The following B4GALNT2 variants were observed in gnomAD, a reference collection of about 807,000 sequenced individuals.
B4GALNT2 encodes beta-1,4-N-acetyl-galactosaminyltransferase 2 (SID blood group), also known as N-acetylneuraminylgalactosylglucosyl-glucoside beta-1,4-N- acetylgalactosaminyltransferase 2.
A neutral mutation model predicts 51.1 loss-of-function variants in B4GALNT2; 42 were observed. The observed-to-expected ratio is 0.82, with a 90% CI of 0.64 to 1.06. B4GALNT2 has a LOEUF of 1.06. B4GALNT2 is among the 50% of genes least tolerant of loss of function. The probability of loss-of-function intolerance (pLI) is 0.00; values close to 1 mark genes in which losing one functional copy is unlikely to be tolerated. For synonymous variants in B4GALNT2, 253 were observed against 251.7 expected, an observed-to-expected ratio of 1.01 and a Z score of -0.05; for missense variants, 602 against 633.6, an observed-to-expected ratio of 0.95 and a Z score of 0.54.
At position 49,169,524 on chromosome 17, in the gene B4GALNT2, ATTC is replaced by A; in HGVS notation, c.1321_1323del (p.Phe441del). 1 of 1,610,834 alleles carries A rather than the reference ATTC, an allele frequency of 6.2e-7. No individual in the cohort carries two copies. Among genetic ancestry groups the A allele is most frequent in the Non-Finnish European group, 8.5e-7 (1 of 1,179,898 alleles). On this transcript the variant is annotated inframe_deletion and splice_region_variant, in exon 11 of 11. Coordinates refer to ENST00000393354, the MANE Select transcript of B4GALNT2 (RefSeq NM_001159387.2). ...CTTCTGCTCTCCCTCTCTTTGCAGA[ATTC>A]TTCATTGATGGGCTAGGGACCCTAC...
intron 8 of B4GALNT2, among the ~76,000 whole-genome samples, chr17:49,165,455 ACT>A (rs1416436328): frequency 5.5e-4 from 19 of 34,546 alleles, no homozygotes; most frequent in South Asian, 5.3e-3. Flanking sequence ...CTCACTCCCC[ACT>A]CTCTCTTTCT....
intron 4 of B4GALNT2, 63 bp downstream of exon 4, chr17:49,152,969 G>A: frequency 4.2e-6 from 6 of 1,428,082 alleles, no homozygotes; most frequent in East Asian, 2.5e-5. Flanking sequence ...GGCAAAAGGA[G>A]GGAGAGGTCG....
chr17:49,165,378 C>T (rs1198728383), intron 8 of B4GALNT2, among the ~76,000 whole-genome samples: 1 of 143,536 alleles, frequency 7.0e-6, no homozygotes, highest in African/African-American at 2.6e-5. Flanking sequence ...TTCCTCTCCA[C>T]TCTCTCTTTC....
intron 5 of B4GALNT2, among the ~76,000 whole-genome samples, chr17:49,157,862 A>T (rs1340290459): frequency 2.0e-5 from 3 of 152,220 alleles, no homozygotes; most frequent in Non-Finnish European, 2.9e-5. Context: ...AGCTTCACGA[A>T]GGAATTTACT....
chr17:49,171,477 T>C lies in B4GALNT2; in HGVS notation c.*1749T>C, dbSNP rs1341644046. On this transcript the variant is annotated 3_prime_UTR_variant, in exon 11 of 11. Transcript: ENST00000393354. ...GTTTGTAGAGTGTCCTTCTAGATGC[T>C]TTTTTATTCTTTCCCAAATTTTGAT... 2.5e-6 allele frequency: 1 copy of C among 393,442 alleles called. No individual in the cohort carries two copies. Among genetic ancestry groups the C allele is most frequent in the Non-Finnish European group, 4.8e-6 (1 of 206,426 alleles). 24.4% of individuals were successfully genotyped at this position (393,442 alleles called of 1,614,324 possible).
At chr17:49,152,597 G>C (rs552835252) in intron 3 of B4GALNT2, among the ~76,000 whole-genome samples, 1 of 152,338 alleles carries the variant, frequency 6.6e-6, no homozygotes, top group African/African-American at 2.4e-5. Flanking sequence ...AATCGCTTGA[G>C]CCCGGGAGGC....
chr17:49,125,625 C>T, the B4GALNT2 span, among the ~76,000 whole-genome samples: 7 of 150,450 alleles, frequency 4.7e-5, no homozygotes, highest in Non-Finnish European at 1.0e-4. Flanking sequence ...ATGTGGGGAG[C>T]GCCTCTGCCC....
chr17:49,158,988 A>T (rs758102207), intron 5 of B4GALNT2, 49 bp from the exon 6 acceptor site: 1 of 1,580,960 alleles, frequency 6.3e-7, no homozygotes, highest in Non-Finnish European at 8.7e-7. Context: ...TTCCAGGGAG[A>T]TATTTTCCAA....
chr17:49,157,989 A>G (rs2042826353), intron 5 of B4GALNT2, among the ~76,000 whole-genome samples: 1 of 152,204 alleles, frequency 6.6e-6, no homozygotes, highest in African/African-American at 2.4e-5. Context: ...GCGATGACTC[A>G]CAGAAGGCAA....
At chr17:49,136,519 TTTA>T (rs1267266313) in intron 1 of B4GALNT2, among the ~76,000 whole-genome samples, 1 of 68,232 alleles carries the variant, frequency 1.5e-5, no homozygotes, top group African/African-American at 7.4e-5. Context: ...CACATTAGAG[TTTA>T]TTTATTTATT....
chr17:49,133,270 C>T (rs2042558049), intron 1 of B4GALNT2: 1 of 1,437,726 alleles, frequency 7.0e-7, no homozygotes, highest in African/African-American at 1.5e-5. Context: ...AGTCGGGGAG[C>T]CCGGCGGCTT....
In B4GALNT2 at chr17:49,176,020, G is replaced by A. The variant is rs1006552907; in HGVS notation, c.*6292G>A. ...CATCATTAGTGTGAAAAGGTTCTAAGGTGGAACGCACCAGAGCCCACACTT... is the reference window on the plus strand; with the variant it reads ...CATCATTAGTGTGAAAAGGTTCTAAAGTGGAACGCACCAGAGCCCACACTT... On this transcript the variant is annotated 3_prime_UTR_variant, in exon 11 of 11. Transcript: ENST00000393354. The A allele has an allele frequency of 3.3e-5, 5 of 152,160 alleles. No individual in the cohort carries two copies. The highest frequency in any genetic ancestry group is 1.2e-4 in the African/African-American group (5 of 41,422). 9.4% of individuals were successfully genotyped at this position (152,160 alleles called of 1,614,324 possible).
Position 49,174,034 on chromosome 17 carries a change from T to C in B4GALNT2, c.*4306T>C, listed in dbSNP as rs1445609460. 1 of 152,158 alleles carries C rather than the reference T, an allele frequency of 6.6e-6. No homozygotes were observed. Among genetic ancestry groups the C allele is most frequent in the African/African-American group, 2.4e-5 (1 of 41,426 alleles). 9.4% of individuals were successfully genotyped at this position (152,158 alleles called of 1,614,324 possible). The stretch of plus-strand genomic sequence containing the variant: ...GTCCCCTGGTAATTTTTGAAAGTCA[T>C]TTAATGTTTTCAGTTGATCCCTACA... On this transcript the variant is annotated 3_prime_UTR_variant, in exon 11 of 11. Transcript: ENST00000393354.
intron 5 of B4GALNT2, among the ~76,000 whole-genome samples, chr17:49,156,889 C>T (rs1266711126): frequency 2.0e-5 from 3 of 152,226 alleles, no homozygotes; most frequent in Non-Finnish European, 4.4e-5. Context: ...TCTGGCACTG[C>T]GTGGCCTCTG....
At chr17:49,135,816 C>A (rs943643202) in intron 1 of B4GALNT2, among the ~76,000 whole-genome samples, 1 of 151,470 alleles carries the variant, frequency 6.6e-6, no homozygotes, top group Non-Finnish European at 1.5e-5. Flanking sequence ...GTAATCCCAG[C>A]ATTTTGGGAG....
At chr17:49,146,892 C>T (rs553132036) in intron 3 of B4GALNT2, among the ~76,000 whole-genome samples, 1 of 152,344 alleles carries the variant, frequency 6.6e-6, no homozygotes, top group East Asian at 1.9e-4. Flanking sequence ...TGGCACTGCT[C>T]TTGCAGGATG....
At chr17:49,159,284 G>A in intron 6 of B4GALNT2, 67 bp downstream of exon 6, 2 of 1,485,004 alleles carry the variant, frequency 1.3e-6, no homozygotes, top group Admixed American at 3.9e-5. Context: ...CCCTTTCAAA[G>A]TCTTCCTCCT....
intron 3 of B4GALNT2, 150 bp downstream of exon 3, chr17:49,142,322 A>T (rs2042652720): frequency 9.9e-7 from 1 of 1,009,924 alleles, no homozygotes; most frequent in Non-Finnish European, 1.4e-6. Context: ...GAAACAAAGA[A>T]GGAATCGAGG....
upstream of B4GALNT2, among the ~76,000 whole-genome samples, chr17:49,127,910 AAGAC>A (rs2042518835): frequency 6.6e-6 from 1 of 152,232 alleles, no homozygotes; most frequent in South Asian, 2.1e-4. Context: ...CAAGAATGGC[AAGAC>A]AGAGTGGAGA....
Sources: gnomAD v4.1 joint callset for allele counts (sites outside exome capture counted in the v4.1 genomes callset) on GRCh38, gnomAD v4.1.1 for gene constraint, MANE v1.5 for transcripts, NCBI Gene and HGNC (gene_info 2026-07-23, HGNC 2026-07-21) for gene names.